Variants in CAMK1D observed in about 807,000 individuals in gnomAD.
CAMK1D encodes calcium/calmodulin-dependent protein kinase type 1D.
CAMK1D carries 9 observed loss-of-function variants against 47.7 expected under a neutral mutation model. The observed-to-expected ratio is 0.19, with a 90% confidence interval of 0.11 to 0.33. The LOEUF is 0.33. Among genes scored for constraint, CAMK1D ranks in the 10% least tolerant of loss-of-function variants. The probability of loss-of-function intolerance (pLI) is 1.00; values close to 1 mark genes in which losing one functional copy is unlikely to be tolerated. For missense variants in CAMK1D, 291 were observed against 488.7 expected, an observed-to-expected ratio of 0.60 and a Z score of 3.81; for synonymous variants, 184 against 184.9, an observed-to-expected ratio of 0.99 and a Z score of 0.04.
intron 8 of CAMK1D, among the ~76,000 whole-genome samples, chr10:12,817,106 C>T (rs1006211951): frequency 1.3e-5 from 2 of 152,186 alleles, no homozygotes; most frequent in African/African-American, 4.8e-5. Flanking sequence ...TATTCACTGT[C>T]ACGAGAACAG....
intron 1 of CAMK1D, among the ~76,000 whole-genome samples, chr10:12,423,617 C>G (rs555813075): frequency 6.6e-6 from 1 of 152,328 alleles, no homozygotes; most frequent in African/African-American, 2.4e-5. Context: ...CCAGAACTCC[C>G]AGGTACAGGG....
intron 1 of CAMK1D, among the ~76,000 whole-genome samples, chr10:12,424,813 A>C (rs1840170492): frequency 6.6e-6 from 1 of 152,126 alleles, no homozygotes; most frequent in South Asian, 2.1e-4. Flanking sequence ...CATCTCACAC[A>C]AAAAAACCAA....
intron 4 of CAMK1D, among the ~76,000 whole-genome samples, chr10:12,768,276 G>A (rs7897465): frequency 0.55 from 83,321 of 152,052 alleles, 23,036 homozygotes; most frequent in Middle Eastern, 0.69. Flanking sequence ...TTATTTAGGA[G>A]TAAAATGGGA....
intron 1 of CAMK1D, among the ~76,000 whole-genome samples, chr10:12,513,694 G>A (rs752507051): frequency 2.6e-5 from 4 of 152,098 alleles, no homozygotes; most frequent in Admixed American, 6.6e-5. Flanking sequence ...CCAGCTACTC[G>A]GGAGGCTGAG....
chr10:12,381,097 A>G (rs1838327759), intron 1 of CAMK1D, among the ~76,000 whole-genome samples: 1 of 152,232 alleles, frequency 6.6e-6, no homozygotes, highest in Non-Finnish European at 1.5e-5. Flanking sequence ...TTGGAAATAA[A>G]AAAGGAAGTA....
chr10:12,648,478 C>T (rs1204759425), intron 2 of CAMK1D, among the ~76,000 whole-genome samples: 1 of 152,076 alleles, frequency 6.6e-6, no homozygotes, highest in East Asian at 1.9e-4. Flanking sequence ...TATTTACTTA[C>T]TTACTTTTTT....
intron 1 of CAMK1D, among the ~76,000 whole-genome samples, chr10:12,481,645 G>T (rs563376747): frequency 6.6e-6 from 1 of 152,086 alleles, no homozygotes; most frequent in East Asian, 1.9e-4. Context: ...GAGCAGCCGC[G>T]ATTACAGGCG....
chr10:12,665,343 A>G (rs1262240504), intron 2 of CAMK1D, among the ~76,000 whole-genome samples: 2 of 152,248 alleles, frequency 1.3e-5, no homozygotes, highest in Non-Finnish European at 2.9e-5. Flanking sequence ...TCCACCTTAT[A>G]AACTTCTTTC....
chr10:12,650,862 A>T (rs954726216), intron 2 of CAMK1D, among the ~76,000 whole-genome samples: 1 of 152,178 alleles, frequency 6.6e-6, no homozygotes, highest in Non-Finnish European at 1.5e-5. Flanking sequence ...AGAGAGGAAA[A>T]AGGATGCATG....
intron 1 of CAMK1D, among the ~76,000 whole-genome samples, chr10:12,419,817 C>T (rs1199342819): frequency 6.6e-6 from 1 of 152,168 alleles, no homozygotes; most frequent in Admixed American, 6.5e-5. Flanking sequence ...GTAGCTTTTC[C>T]ACCAGAAACA....
chr10:12,379,649 A>C lies in CAMK1D; in HGVS notation c.92+29739A>C, dbSNP rs527482992. Among the ~76,000 whole-genome samples, 11 of 152,240 alleles carry C rather than the reference A, an allele frequency of 7.2e-5. No homozygotes were observed. In the South Asian group the frequency reaches 1.5e-3, roughly 20 times the overall value. ...ACATCTGTAATCCCAGCTACTCGGG[A>C]GGCTGAGGTAGGAGAATTGCTTGAA... On this transcript the variant is annotated intron_variant, in intron 1 of 10. Transcript: ENST00000619168.
chr10:12,444,398 C>T (rs573378501), intron 1 of CAMK1D, among the ~76,000 whole-genome samples: 4 of 152,164 alleles, frequency 2.6e-5, no homozygotes, highest in East Asian at 3.9e-4. Flanking sequence ...ATGCTGATGT[C>T]GATGAAAAGA....
At chr10:12,464,317 C>A (rs528017789) in intron 1 of CAMK1D, among the ~76,000 whole-genome samples, 1 of 152,226 alleles carries the variant, frequency 6.6e-6, no homozygotes, top group African/African-American at 2.4e-5. Flanking sequence ...TAGCTCTTTT[C>A]CGATTGCCAC....
chr10:12,781,476 C>T lies in CAMK1D; in HGVS notation c.566-9682C>T, dbSNP rs909897032. ...GTGGCCCCAGCTTCTACTCCCTCCC[C>T]GTTCCTTAGCCTCACTCCTCCATGA... On this transcript the variant is annotated intron_variant, in intron 5 of 10. Coordinates refer to ENST00000619168, the MANE Select transcript of CAMK1D (RefSeq NM_153498.4). Among the ~76,000 whole-genome samples the T allele has an allele frequency of 4.6e-5, 7 of 152,284 alleles. No homozygotes were observed. In the East Asian group the frequency reaches 7.8e-4, roughly 17 times the overall value.
At chr10:12,695,068 A>C (rs199809540) in intron 3 of CAMK1D, among the ~76,000 whole-genome samples, 8 of 126,786 alleles carry the variant, frequency 6.3e-5, no homozygotes, top group Non-Finnish European at 1.3e-4. Flanking sequence ...AGATAGATAC[A>C]TAGGTAGATA....
chr10:12,363,665 G>GTTTT (rs1165886868), intron 1 of CAMK1D, among the ~76,000 whole-genome samples: 2 of 117,078 alleles, frequency 1.7e-5, no homozygotes, highest in African/African-American at 3.4e-5. Context: ...GTTTCCTAAG[G>GTTTT]TTTTTTTTTT....
intron 1 of CAMK1D, among the ~76,000 whole-genome samples, chr10:12,497,063 A>G (rs1834562100): frequency 6.6e-6 from 1 of 152,238 alleles, no homozygotes; most frequent in Non-Finnish European, 1.5e-5. Context: ...TGCAAAGGAC[A>G]TGATCTTGCT....
intron 1 of CAMK1D, among the ~76,000 whole-genome samples, chr10:12,470,544 G>C (rs1833714732): frequency 6.7e-6 from 1 of 150,106 alleles, no homozygotes; most frequent in South Asian, 2.1e-4. Flanking sequence ...CCAACATGGA[G>C]TCTCGCTCTG....
chr10:12,487,217 A>G (rs968461688), intron 1 of CAMK1D, among the ~76,000 whole-genome samples: 9 of 152,076 alleles, frequency 5.9e-5, no homozygotes, highest in Admixed American at 2.0e-4. Flanking sequence ...CCCTCGCATT[A>G]TGTTCATATG....
Sources: allele counts gnomAD v4.1 joint callset (sites outside exome capture counted in the v4.1 genomes callset), GRCh38; gene constraint gnomAD v4.1.1; transcripts MANE v1.5; gene names NCBI Gene and HGNC (gene_info 2026-07-23, HGNC 2026-07-21).